Variants in RELCH observed in about 807,000 individuals in gnomAD.
RELCH encodes RAB11-binding protein RELCH.
Under a neutral mutation model 150.3 loss-of-function variants are expected in RELCH, and 41 were observed. The observed-to-expected ratio is 0.27, with a 90% CI of 0.21 to 0.35. The LOEUF (loss-of-function observed/expected upper bound fraction) is 0.35, where lower values mean the gene tolerates loss of function less well. RELCH is among the 10% of genes least tolerant of loss of function. RELCH has a pLI of 1.00. For missense variants in RELCH, 1,092 were observed against 1,467.8 expected (o/e 0.74, Z 4.18); for synonymous variants, 478 against 531.8 (o/e 0.90, Z 1.39).
chr18:62,231,286 A>G lies in RELCH; in HGVS notation c.1524+17A>G, dbSNP rs1183894431. 1.3e-6 allele frequency: 2 copies of G among 1,500,394 alleles called. No individual in the cohort carries two copies. The highest frequency in any genetic ancestry group is 2.3e-5 in the East Asian group (1 of 43,922). 92.9% of individuals were successfully genotyped at this position (1,500,394 alleles called of 1,614,324 possible). ...GGATACGAGGTAAATTATACCACCT[A>G]TTTCCACAACTTTTTAAAAACATTC... On this transcript the variant is annotated intron_variant, in intron 9 of 28. Coordinates refer to ENST00000644646, the MANE Select transcript of RELCH (RefSeq NM_001346231.2).
chr18:62,261,987 A>G (rs1280625731), intron 16 of RELCH, among the ~76,000 whole-genome samples: 2 of 152,022 alleles, frequency 1.3e-5, no homozygotes, highest in African/African-American at 2.4e-5. Flanking sequence ...GATTCTTTTA[A>G]TAGTTACTAG....
At chr18:62,201,049 C>G (rs1370454237) in intron 1 of RELCH, among the ~76,000 whole-genome samples, 1 of 127,932 alleles carries the variant, frequency 7.8e-6, no homozygotes. Flanking sequence ...TCTCGGCTTA[C>G]TGCAACCTCC....
intron 9 of RELCH, 39 bp downstream of exon 9, chr18:62,231,308 A>G: frequency 7.9e-7 from 1 of 1,269,706 alleles, no homozygotes; most frequent in South Asian, 1.2e-5. Context: ...TTTTAAAAAC[A>G]TTCTACTGTT....
At chr18:62,238,684 T>C (rs115626355) in intron 10 of RELCH, among the ~76,000 whole-genome samples, 1 of 151,948 alleles carries the variant, frequency 6.6e-6, no homozygotes, top group Admixed American at 6.6e-5. Flanking sequence ...AGAGACTTAA[T>C]GGAGACCAGC....
At chr18:62,201,540 T>A (rs2039444865) in intron 1 of RELCH, among the ~76,000 whole-genome samples, 1 of 152,140 alleles carries the variant, frequency 6.6e-6, no homozygotes, top group Admixed American at 6.5e-5. Context: ...CATATTAAAG[T>A]ATATATTAAA....
At chr18:62,268,466 T>C (rs936906392) in intron 19 of RELCH, 1 of 153,752 alleles carries the variant, frequency 6.5e-6, no homozygotes, top group African/African-American at 2.4e-5. Context: ...TATCTAGAAA[T>C]AGATCAAATA....
chr18:62,188,915 A>G (rs1460229152), intron 1 of RELCH, among the ~76,000 whole-genome samples: 5 of 152,232 alleles, frequency 3.3e-5, no homozygotes, highest in Non-Finnish European at 7.3e-5. Context: ...ATGTTTTAGT[A>G]TGAGGCCATA....
At chr18:62,226,596 G>C (rs1568343018) in intron 5 of RELCH, among the ~76,000 whole-genome samples, 1 of 152,024 alleles carries the variant, frequency 6.6e-6, no homozygotes. Context: ...TATGTACTGA[G>C]ACTTCCTTAA....
At position 62,187,296 on chromosome 18, in the gene RELCH, C is replaced by T. The variant is rs2038165058; in HGVS notation, c.-210C>T. 2 of 397,380 alleles carry T rather than the reference C, an allele frequency of 5.0e-6. No individual in the cohort carries two copies. Among genetic ancestry groups the T allele is most frequent in the Non-Finnish European group, 8.9e-6 (2 of 224,226 alleles). The allele number at this position is 397,380 out of a possible 1,614,324, so 24.6% of individuals were successfully genotyped here. A position where few individuals can be genotyped will look rare whatever the true frequency, so the allele number is the denominator to read the frequency against. On this transcript the variant is annotated 5_prime_UTR_variant, in exon 1 of 29. Coordinates refer to ENST00000644646, the MANE Select transcript of RELCH (RefSeq NM_001346231.2). ...GAGACCAGGAAGACGCCTGCAGAGC[C>T]GGGCTGCTGGTGCAGCAGAGGCTGA...
intron 5 of RELCH, among the ~76,000 whole-genome samples, chr18:62,223,927 G>A (rs1231435904): frequency 1.3e-5 from 2 of 152,076 alleles, no homozygotes; most frequent in Admixed American, 1.3e-4. Context: ...CCAACTGATA[G>A]AGGACATTTA....
intron 5 of RELCH, among the ~76,000 whole-genome samples, chr18:62,225,667 A>C (rs1266937150): frequency 1.3e-5 from 2 of 152,012 alleles, no homozygotes; most frequent in Non-Finnish European, 2.9e-5. Context: ...ATGTTTACCT[A>C]TGAAGTTTTG....
intron 27 of RELCH, among the ~76,000 whole-genome samples, 198 bp from the exon 28 acceptor site, chr18:62,298,592 T>C (rs1644233982): frequency 6.6e-6 from 1 of 152,180 alleles, no homozygotes; most frequent in Non-Finnish European, 1.5e-5. Flanking sequence ...ATTATTGTTA[T>C]ATGATTGAGA....
At chr18:62,228,961 G>T (rs561214310) in intron 8 of RELCH, among the ~76,000 whole-genome samples, 1 of 151,902 alleles carries the variant, frequency 6.6e-6, no homozygotes, top group African/African-American at 2.4e-5. Flanking sequence ...CTGCGTAGTT[G>T]CCTATGTTAA....
chr18:62,224,104 G>A (rs1044511294), intron 5 of RELCH, among the ~76,000 whole-genome samples: 3 of 151,984 alleles, frequency 2.0e-5, no homozygotes, highest in Non-Finnish European at 4.4e-5. Context: ...TTCTCCTAAC[G>A]CTATCCCTCC....
At chr18:62,244,726 G>A (rs761244838) in intron 10 of RELCH, 38 bp from the exon 11 acceptor site, 1 of 1,330,338 alleles carries the variant, frequency 7.5e-7, no homozygotes, top group Admixed American at 1.7e-5. Context: ...TCTGCAATGT[G>A]TTTTTATTTG....
At chr18:62,195,549 G>C (rs1417639786) in intron 1 of RELCH, among the ~76,000 whole-genome samples, 1 of 152,092 alleles carries the variant, frequency 6.6e-6, no homozygotes, top group Non-Finnish European at 1.5e-5. Flanking sequence ...ATGTGATCAA[G>C]TGGAGAGGGC....
intron 25 of RELCH, among the ~76,000 whole-genome samples, chr18:62,286,714 T>C (rs1255138426): frequency 6.6e-6 from 1 of 152,130 alleles, no homozygotes; most frequent in Non-Finnish European, 1.5e-5. Context: ...AATCTTAGGC[T>C]CTAGAGGTGC....
chr18:62,206,002 C>A (rs2039757660), intron 1 of RELCH, among the ~76,000 whole-genome samples: 1 of 152,194 alleles, frequency 6.6e-6, no homozygotes, highest in African/African-American at 2.4e-5. Flanking sequence ...CCAGCCTGGG[C>A]AACAGGGCAA....
rs748620785 is a variant in RELCH, at chr18:62,228,267, T to A, written c.1155-38T>A. The A allele has an allele frequency of 8.6e-6, 13 of 1,519,234 alleles. No individual in the cohort carries two copies. The South Asian group carries it at 1.5e-4, about 17-fold the overall frequency. 94.1% of individuals were successfully genotyped at this position (1,519,234 alleles called of 1,614,324 possible). A position where few individuals can be genotyped will look rare whatever the true frequency, so the allele number is the denominator to read the frequency against. ...TTATGCTAGTTTTCAAAAATACAGT[T>A]GTCCTCTGGTGATTTCTCTTAATTT... On this transcript the variant is annotated intron_variant, in intron 7 of 28. Coordinates refer to ENST00000644646, the MANE Select transcript of RELCH (RefSeq NM_001346231.2).
Sources: gnomAD v4.1 joint callset for allele counts (sites outside exome capture counted in the v4.1 genomes callset) on GRCh38, gnomAD v4.1.1 for gene constraint, MANE v1.5 for transcripts, NCBI Gene and HGNC (gene_info 2026-07-23, HGNC 2026-07-21) for gene names.